Variants in VWC2 observed in about 807,000 individuals in gnomAD.
VWC2 encodes brorin.
A neutral mutation model predicts 29.8 loss-of-function variants in VWC2; 14 were observed. The observed-to-expected ratio is 0.47, with a 90% CI of 0.31 to 0.74. VWC2 has a LOEUF of 0.74. Ranked by LOEUF, VWC2 falls within the 30% of genes least tolerant of loss-of-function variation. VWC2 has a pLI of 0.05. For synonymous variants in VWC2, 213 were observed against 199.0 expected, an observed-to-expected ratio of 1.07 and a Z score of -0.59; for missense variants, 457 against 459.8, an observed-to-expected ratio of 0.99 and a Z score of 0.05.
At chr7:49,815,536 G>A (rs189718805) in intron 3 of VWC2, among the ~76,000 whole-genome samples, 134 of 152,234 alleles carry the variant, frequency 8.8e-4, no homozygotes, top group African/African-American at 3.2e-3. Context: ...TCAATATTAA[G>A]CACATAAACC....
intron 3 of VWC2, among the ~76,000 whole-genome samples, chr7:49,829,508 C>T (rs1220628653): frequency 5.3e-5 from 8 of 152,210 alleles, no homozygotes; most frequent in Non-Finnish European, 1.0e-4. Flanking sequence ...TCATGCCCTT[C>T]CCCTAATATC....
Position 49,802,749 on chromosome 7 carries a change from T to C in VWC2, c.735T>C (p.Gly245=). ...AGAGGTGTCGCTGTGAAGCCAACGG[T>C]GAGGTGCTATGCACAGTGTCAGCGT... The part of the protein sequence containing the change: ...PCERCRCEAN[G]EVLCTVSACP... The change falls in exon 3 of 4, where the codon GGT becomes GGC. Residue 245 remains glycine (G), a synonymous_variant. Coordinates refer to ENST00000340652, the MANE Select transcript of VWC2 (RefSeq NM_198570.5). 6.2e-7 allele frequency: 1 copy of C among 1,613,894 alleles called. No individual in the cohort carries two copies. The highest frequency in any genetic ancestry group is 8.5e-7 in the Non-Finnish European group (1 of 1,179,770).
chr7:49,824,784 T>C (rs887290971), intron 3 of VWC2, among the ~76,000 whole-genome samples: 2 of 152,158 alleles, frequency 1.3e-5, no homozygotes, highest in Non-Finnish European at 2.9e-5. Context: ...TTATTCTTAA[T>C]ATTGAATGGA....
chr7:49,913,102 C>T lies in VWC2; in HGVS notation c.*917C>T, dbSNP rs1793542997. Reference sequence around the variant, plus strand: ...TGAAATCTAAATGTGCTACAGATAACTCAGCTGTCAGTTCAGTGGAATCAT... The same window carrying T: ...TGAAATCTAAATGTGCTACAGATAATTCAGCTGTCAGTTCAGTGGAATCAT... On this transcript the variant is annotated 3_prime_UTR_variant, in exon 4 of 4. Transcript: ENST00000340652. 1 of 152,174 alleles carries T rather than the reference C, an allele frequency of 6.6e-6. No individual in the cohort carries two copies. The highest frequency in any genetic ancestry group is 2.4e-5 in the African/African-American group (1 of 41,440). The allele number at this position is 152,174 out of a possible 1,614,324, so 9.4% of individuals were successfully genotyped here.
intron 3 of VWC2, among the ~76,000 whole-genome samples, chr7:49,822,428 G>GTTTTTGT (rs1202196333): frequency 3.9e-5 from 6 of 151,992 alleles, no homozygotes; most frequent in African/African-American, 1.4e-4. Flanking sequence ...CTCACTGTGG[G>GTTTTTGT]TTTTTGTTTT....
intron 3 of VWC2, 35 bp from the exon 4 acceptor site, chr7:49,911,999 A>G: frequency 6.4e-7 from 1 of 1,565,560 alleles, no homozygotes; most frequent in Non-Finnish European, 8.6e-7. Context: ...ATATTTATGC[A>G]CACATATAGT....
intron 3 of VWC2, among the ~76,000 whole-genome samples, chr7:49,853,428 C>G (rs1280486127): frequency 2.6e-5 from 4 of 152,328 alleles, no homozygotes; most frequent in Middle Eastern, 3.4e-3. Flanking sequence ...GTGCCAGGAG[C>G]TCTGCTGGGC....
intron 2 of VWC2, among the ~76,000 whole-genome samples, chr7:49,792,794 C>G (rs1788495136): frequency 6.6e-6 from 1 of 152,162 alleles, no homozygotes; most frequent in South Asian, 2.1e-4. Flanking sequence ...CCTGGGGAAG[C>G]CTCATGGGGT....
chr7:49,838,025 A>G (rs915853009), intron 3 of VWC2, among the ~76,000 whole-genome samples: 1 of 152,230 alleles, frequency 6.6e-6, no homozygotes, highest in African/African-American at 2.4e-5. Context: ...AAGCAATTCA[A>G]AGGGAAGTCA....
chr7:49,854,497 T>C (rs1229255048), intron 3 of VWC2, among the ~76,000 whole-genome samples: 2 of 152,236 alleles, frequency 1.3e-5, no homozygotes, highest in African/African-American at 4.8e-5. Context: ...GTCTGTTGGC[T>C]GCATAAATGT....
chr7:49,806,042 A>C (rs1788869253), intron 3 of VWC2, among the ~76,000 whole-genome samples: 1 of 152,142 alleles, frequency 6.6e-6, no homozygotes, highest in Admixed American at 6.5e-5. Context: ...TCAATCTCCC[A>C]GTGTTTTTCT....
chr7:49,917,172 C>T lies in VWC2; in HGVS notation c.*4987C>T, dbSNP rs1478925554. Reference sequence around the variant, plus strand: ...GAACTGATACAATAATGAGCTGAGTCATTTGTACAGAAATATAGTAGCTTC... The same window carrying T: ...GAACTGATACAATAATGAGCTGAGTTATTTGTACAGAAATATAGTAGCTTC... On this transcript the variant is annotated 3_prime_UTR_variant, in exon 4 of 4. Coordinates refer to ENST00000340652, the MANE Select transcript of VWC2 (RefSeq NM_198570.5). 6.6e-6 allele frequency: 1 copy of T among 152,040 alleles called. No individual in the cohort carries two copies. The highest frequency in any genetic ancestry group is 1.5e-5 in the Non-Finnish European group (1 of 67,996). The allele number at this position is 152,040 out of a possible 1,614,324, so 9.4% of individuals were successfully genotyped here.
intron 3 of VWC2, among the ~76,000 whole-genome samples, chr7:49,881,807 T>C (rs1791676789): frequency 6.6e-6 from 1 of 152,090 alleles, no homozygotes; most frequent in Non-Finnish European, 1.5e-5. Context: ...TAATAATAAT[T>C]AAAATAATTC....
intron 3 of VWC2, among the ~76,000 whole-genome samples, chr7:49,806,220 C>G (rs1455105371): frequency 1.3e-5 from 2 of 152,214 alleles, no homozygotes; most frequent in Non-Finnish European, 2.9e-5. Flanking sequence ...TGCTTGTCTG[C>G]ATTAAGTAGG....
chr7:49,838,956 A>G (rs1230407069), intron 3 of VWC2, among the ~76,000 whole-genome samples: 1 of 152,154 alleles, frequency 6.6e-6, no homozygotes, highest in East Asian at 1.9e-4. Context: ...GTGTGACAGA[A>G]TTTAGAAATA....
At chr7:49,853,979 C>G (rs2128717645) in intron 3 of VWC2, among the ~76,000 whole-genome samples, 1 of 151,480 alleles carries the variant, frequency 6.6e-6, no homozygotes, top group South Asian at 2.1e-4. Flanking sequence ...GTTTTCTGTC[C>G]CTGCGATAGT....
Position 49,870,403 on chromosome 7 carries a change from A to C in VWC2, c.827-41631A>C, listed in dbSNP as rs1791100562. On this transcript the variant is annotated intron_variant, in intron 3 of 3. Coordinates refer to ENST00000340652, the MANE Select transcript of VWC2 (RefSeq NM_198570.5). ...TGACGCAGTGAGACTCCGTCTCAAA[A>C]AAATAAAAAAATAAAAATTGTCTAT... is the stretch of plus-strand genomic sequence containing the variant. Among the ~76,000 whole-genome samples the C allele has an allele frequency of 2.0e-5, 3 of 152,234 alleles. No homozygotes were observed. The South Asian group carries it at 6.2e-4, about 32-fold the overall frequency.
intron 2 of VWC2, among the ~76,000 whole-genome samples, chr7:49,778,191 A>C (rs1479251007): frequency 1.3e-5 from 2 of 151,958 alleles, no homozygotes; most frequent in Non-Finnish European, 2.9e-5. Context: ...CTCTCATTTA[A>C]TTTCCTCTTT....
At position 49,921,661 on chromosome 7, in the gene VWC2, A is replaced by G. The variant is rs960451418; in HGVS notation, c.*9476A>G. 2.6e-5 allele frequency: 4 copies of G among 152,356 alleles called. No homozygotes were observed. In the East Asian group the frequency reaches 7.7e-4, roughly 29 times the overall value. The allele number at this position is 152,356 out of a possible 1,614,324, so 9.4% of individuals were successfully genotyped here. On this transcript the variant is annotated 3_prime_UTR_variant, in exon 4 of 4. Coordinates refer to ENST00000340652, the MANE Select transcript of VWC2 (RefSeq NM_198570.5). ...AGCACAAGATCTATGTAAAGTGTTT[A>G]TAACATAATACATTGGAATATGAGA...
Sources: allele counts gnomAD v4.1 joint callset (sites outside exome capture counted in the v4.1 genomes callset), GRCh38; gene constraint gnomAD v4.1.1; transcripts MANE v1.5; gene names NCBI Gene and HGNC (gene_info 2026-07-23, HGNC 2026-07-21).